Variants in CLDN18 observed in about 807,000 individuals in gnomAD.
CLDN18 encodes claudin-18.
In CLDN18, 20 loss-of-function variants were observed where a neutral mutation model predicts 25.0. That is an observed-to-expected ratio of 0.80 (90% CI 0.56 to 1.16). The LOEUF (loss-of-function observed/expected upper bound fraction) is 1.16, where lower values mean the gene tolerates loss of function less well. Ranked by LOEUF, CLDN18 falls within the 50% of genes most tolerant of loss-of-function variation. The pLI, the probability that CLDN18 is intolerant of heterozygous loss-of-function variation, is 0.00. For missense variants in CLDN18, 297 were observed against 345.4 expected (o/e 0.86, Z 1.11); for synonymous variants, 125 against 135.6 (o/e 0.92, Z 0.54).
At chr3:137,999,691 C>A (rs1354027772) in intron 1 of CLDN18, among the ~76,000 whole-genome samples, 1 of 152,190 alleles carries the variant, frequency 6.6e-6, no homozygotes, top group Non-Finnish European at 1.5e-5. Flanking sequence ...ACTCAGGGCG[C>A]TCTCTGCACA....
intron 1 of CLDN18, among the ~76,000 whole-genome samples, chr3:138,003,825 A>T (rs1351009163): frequency 1.3e-5 from 2 of 152,156 alleles, no homozygotes; most frequent in African/African-American, 4.8e-5. Context: ...TAATAAAAAA[A>T]TTTTTTAAAG....
intron 1 of CLDN18, among the ~76,000 whole-genome samples, chr3:137,999,967 T>C (rs1941998342): frequency 6.6e-6 from 1 of 152,148 alleles, no homozygotes; most frequent in Non-Finnish European, 1.5e-5. Context: ...TATTGAAGTC[T>C]TGAGAGGGGC....
chr3:138,026,478 T>G (rs530233034), intron 3 of CLDN18, among the ~76,000 whole-genome samples: 1 of 152,178 alleles, frequency 6.6e-6, no homozygotes, highest in African/African-American at 2.4e-5. Context: ...AAACCCCATC[T>G]CTACTGAAAA....
At position 138,029,915 on chromosome 3, in the gene CLDN18, T is replaced by A; in HGVS notation, c.614+8T>A. The A allele has an allele frequency of 6.6e-7, 1 of 1,515,918 alleles. No homozygotes were observed. The highest frequency in any genetic ancestry group is 9.1e-7 in the Non-Finnish European group (1 of 1,103,718). 93.9% of individuals were successfully genotyped at this position (1,515,918 alleles called of 1,614,324 possible). A position where few individuals can be genotyped will look rare whatever the true frequency, so the allele number is the denominator to read the frequency against. On this transcript the variant is annotated splice_region_variant and intron_variant, in intron 4 of 4. Transcript: ENST00000183605. ...GGCACCAGAAGAAACCAAGTGAGTC[T>A]CCCTGTTCCGCTGCAACCAGACGTT...
Position 138,033,390 on chromosome 3 carries a change from T to C in CLDN18, c.*2249T>C, listed in dbSNP as rs1942419490. 6.6e-6 allele frequency: 1 copy of C among 152,180 alleles called. No individual in the cohort carries two copies. 9.4% of individuals were successfully genotyped at this position (152,180 alleles called of 1,614,324 possible). On this transcript the variant is annotated 3_prime_UTR_variant, in exon 5 of 5. Transcript: ENST00000183605. ...TGGATTTGAGTTGAAGAGCATCCAT[T>C]TGAGTTGAAGGCCACAGGGCACAAT...
chr3:138,027,775 G>A (rs546242453), intron 3 of CLDN18, among the ~76,000 whole-genome samples: 1 of 152,312 alleles, frequency 6.6e-6, no homozygotes, highest in East Asian at 1.9e-4. Flanking sequence ...CAGGGCCCAT[G>A]GACCAGAGCT....
intron 1 of CLDN18, among the ~76,000 whole-genome samples, chr3:138,022,643 A>G (rs1049498333): frequency 1.3e-5 from 2 of 152,240 alleles, no homozygotes; most frequent in Non-Finnish European, 2.9e-5. Flanking sequence ...GCACATAAGC[A>G]TCTCCACACA....
At chr3:138,011,149 T>C (rs561869840) in intron 1 of CLDN18, among the ~76,000 whole-genome samples, 1 of 152,324 alleles carries the variant, frequency 6.6e-6, no homozygotes, top group South Asian at 2.1e-4. Flanking sequence ...ATATGCATCA[T>C]AGCAACTTTG....
At chr3:138,012,097 C>T (rs1942142415) in intron 1 of CLDN18, among the ~76,000 whole-genome samples, 1 of 152,152 alleles carries the variant, frequency 6.6e-6, no homozygotes, top group Non-Finnish European at 1.5e-5. Context: ...CATCTCTTCT[C>T]CTCACTTATG....
chr3:138,015,381 A>G (rs1229310978), intron 1 of CLDN18, among the ~76,000 whole-genome samples: 1 of 152,184 alleles, frequency 6.6e-6, no homozygotes, highest in Non-Finnish European at 1.5e-5. Flanking sequence ...TAACGAGGAA[A>G]CTGGGGAAGA....
intron 1 of CLDN18, among the ~76,000 whole-genome samples, chr3:138,002,303 GA>G (rs924938029): frequency 1.9e-4 from 28 of 151,090 alleles, no homozygotes; most frequent in African/African-American, 5.8e-4. Context: ...GAATTAGACG[GA>G]AAAAAAAAGT....
At chr3:138,001,682 CTT>C (rs1357019829) in intron 1 of CLDN18, among the ~76,000 whole-genome samples, 1 of 152,078 alleles carries the variant, frequency 6.6e-6, no homozygotes, top group Non-Finnish European at 1.5e-5. Flanking sequence ...AAATAAAACT[CTT>C]TGACTATTTA....
intron 1 of CLDN18, among the ~76,000 whole-genome samples, chr3:138,002,663 C>T (rs966984437): frequency 6.6e-6 from 1 of 151,994 alleles, no homozygotes; most frequent in African/African-American, 2.4e-5. Flanking sequence ...GTTAACATAC[C>T]CTGAGGATGG....
At position 138,030,328 on chromosome 3, in the gene CLDN18, G is replaced by A. The variant is rs115332719; in HGVS notation, c.614+421G>A. Among the ~76,000 whole-genome samples, 714 of 152,348 alleles carry A rather than the reference G, an allele frequency of 4.7e-3. 4 individuals are homozygous for A. Among genetic ancestry groups the A allele is most frequent in the African/African-American group, 0.016 (668 of 41,582 alleles). Reference sequence around the variant, plus strand: ...AACACCCTACAGTGCACAGAACTGTGCCACAGCAAAGAAGCATCTGTTCCA... The same window carrying A: ...AACACCCTACAGTGCACAGAACTGTACCACAGCAAAGAAGCATCTGTTCCA... On this transcript the variant is annotated intron_variant, in intron 4 of 4. Coordinates refer to ENST00000183605, the MANE Select transcript of CLDN18 (RefSeq NM_016369.4).
Position 138,010,182 on chromosome 3 carries a change from AGGGCGGCAGCTTCTCGCAGGCGGCAGGGC to A in CLDN18, c.-36_-8del. Reference sequence around the variant, plus strand: ...TTAGCTTCACACCTTCGGCAGCAGGAGGGCGGCAGCTTCTCGCAGGCGGCAGGGCGGGCGGCCAGGATCATGTCCACCAC... The same window carrying A: ...TTAGCTTCACACCTTCGGCAGCAGGAGGGCGGCCAGGATCATGTCCACCAC... On this transcript the variant is annotated 5_prime_UTR_variant, in exon 1 of 5. Transcript: ENST00000183605. The A allele has an allele frequency of 1.9e-6, 3 of 1,597,370 alleles. No homozygotes were observed. Among genetic ancestry groups the A allele is most frequent in the East Asian group, 2.3e-5 (1 of 44,394 alleles).
At chr3:138,000,233 A>G (rs538855260) in intron 1 of CLDN18, among the ~76,000 whole-genome samples, 1 of 152,220 alleles carries the variant, frequency 6.6e-6, no homozygotes, top group Non-Finnish European at 1.5e-5. Flanking sequence ...GGATATGACA[A>G]TATGCCAAGT....
At chr3:138,030,517 G>A (rs1942378329) in intron 4 of CLDN18, among the ~76,000 whole-genome samples, 1 of 152,184 alleles carries the variant, frequency 6.6e-6, no homozygotes, top group Non-Finnish European at 1.5e-5. Context: ...CATGAAATGA[G>A]CAGCTTGAGG....
chr3:138,029,598 C>A (rs544500478), intron 3 of CLDN18, among the ~76,000 whole-genome samples, 199 bp from the exon 4 acceptor site: 61 of 152,250 alleles, frequency 4.0e-4, no homozygotes, highest in Middle Eastern at 6.8e-3. Context: ...GTTTTGCCCC[C>A]TAACTTTAGT....
In CLDN18 at chr3:138,031,179, C is replaced by T. The variant is rs768735958; in HGVS notation, c.*38C>T. 14 of 1,511,844 alleles carry T rather than the reference C, an allele frequency of 9.3e-6. No homozygotes were observed. In the East Asian group the frequency reaches 1.4e-4, roughly 15 times the overall value. 93.7% of individuals were successfully genotyped at this position (1,511,844 alleles called of 1,614,324 possible). On this transcript the variant is annotated 3_prime_UTR_variant, in exon 5 of 5. Coordinates refer to ENST00000183605, the MANE Select transcript of CLDN18 (RefSeq NM_016369.4). ...TCTCAGCACGGGCGGAAGAAACTCC[C>T]GGAGAGCTCACCCAAAAAACAAGGA... is the stretch of plus-strand genomic sequence containing the variant.
Sources: allele counts gnomAD v4.1 joint callset (sites outside exome capture counted in the v4.1 genomes callset), GRCh38; gene constraint gnomAD v4.1.1; transcripts MANE v1.5; gene names NCBI Gene and HGNC (gene_info 2026-07-23, HGNC 2026-07-21).